Variants in GPR149 observed in about 807,000 individuals in gnomAD.
The protein encoded by GPR149 is probable G protein-coupled receptor 149.
Under a neutral mutation model 50.2 loss-of-function variants are expected in GPR149, and 50 were observed. That is an observed-to-expected ratio of 1.00 (90% CI 0.79 to 1.26). The LOEUF is 1.26. GPR149 is among the 50% of genes most tolerant of loss of function. The probability of loss-of-function intolerance (pLI) is 0.00; values close to 1 mark genes in which losing one functional copy is unlikely to be tolerated. For synonymous variants in GPR149, 405 were observed against 358.2 expected (o/e 1.13, Z -1.48); for missense variants, 983 against 895.4 (o/e 1.10, Z -1.25).
At chr3:154,405,019 G>A (rs570016166) in intron 3 of GPR149, among the ~76,000 whole-genome samples, 8 of 152,142 alleles carry the variant, frequency 5.3e-5, no homozygotes, top group Non-Finnish European at 8.8e-5. Context: ...ATTCAACAAT[G>A]TTTTAGGAGT....
chr3:154,370,683 T>C (rs919173541), intron 3 of GPR149, among the ~76,000 whole-genome samples: 7 of 152,082 alleles, frequency 4.6e-5, no homozygotes, highest in Admixed American at 4.6e-4. Flanking sequence ...TAAGGTTGAC[T>C]GTTGAGGTCC....
chr3:154,410,158 G>GT (rs1452554992), intron 3 of GPR149, among the ~76,000 whole-genome samples: 1 of 151,978 alleles, frequency 6.6e-6, no homozygotes, highest in African/African-American at 2.4e-5. Flanking sequence ...GAAAGACACA[G>GT]TTTTTTTCAG....
At chr3:154,418,914 AAGACCAC>A (rs1712061218) in intron 3 of GPR149, among the ~76,000 whole-genome samples, 1 of 152,068 alleles carries the variant, frequency 6.6e-6, no homozygotes, top group African/African-American at 2.4e-5. Context: ...GCTAACCTTA[AAGACCAC>A]AGGTACTTTT....
intron 3 of GPR149, among the ~76,000 whole-genome samples, chr3:154,391,602 CATTA>C (rs2108412753): frequency 6.6e-6 from 1 of 151,496 alleles, no homozygotes; most frequent in African/African-American, 2.4e-5. Context: ...AAAGGAAGTA[CATTA>C]ATTACTCTAA....
intron 3 of GPR149, among the ~76,000 whole-genome samples, chr3:154,374,585 G>A (rs1018207868): frequency 6.6e-6 from 1 of 151,990 alleles, no homozygotes; most frequent in Non-Finnish European, 1.5e-5. Context: ...TCAAACTAGG[G>A]TTAGTCAAAA....
chr3:154,344,918 T>G (rs1713887035), intron 3 of GPR149, among the ~76,000 whole-genome samples: 1 of 152,252 alleles, frequency 6.6e-6, no homozygotes, highest in Non-Finnish European at 1.5e-5. Flanking sequence ...AATTCAATTT[T>G]GTATGCAAAC....
intron 3 of GPR149, among the ~76,000 whole-genome samples, chr3:154,408,295 A>AGG (rs1262510955): frequency 3.3e-5 from 5 of 152,210 alleles, no homozygotes; most frequent in African/African-American, 7.2e-5. Context: ...GAACTACTGC[A>AGG]GGAACATACC....
intron 3 of GPR149, among the ~76,000 whole-genome samples, chr3:154,419,795 C>T (rs567626488): frequency 1.3e-5 from 2 of 152,022 alleles, no homozygotes; most frequent in South Asian, 2.1e-4. Flanking sequence ...AGCAAATTGG[C>T]GATGAAAGTG....
At chr3:154,406,267 A>G (rs1341363390) in intron 3 of GPR149, among the ~76,000 whole-genome samples, 1 of 152,204 alleles carries the variant, frequency 6.6e-6, no homozygotes, top group Non-Finnish European at 1.5e-5. Flanking sequence ...GTGATAATAT[A>G]CACTGTTACT....
chr3:154,382,909 G>T (rs1714962575), intron 3 of GPR149, among the ~76,000 whole-genome samples: 1 of 152,196 alleles, frequency 6.6e-6, no homozygotes, highest in African/African-American at 2.4e-5. Flanking sequence ...TCAGGGAACT[G>T]ATTTTTGATG....
intron 3 of GPR149, among the ~76,000 whole-genome samples, chr3:154,383,973 C>T (rs1714994529): frequency 6.6e-6 from 1 of 152,068 alleles, no homozygotes; most frequent in Admixed American, 6.6e-5. Context: ...GACTTTCCAG[C>T]CTCCAGAACT....
At chr3:154,367,088 G>C (rs574064562) in intron 3 of GPR149, among the ~76,000 whole-genome samples, 2 of 152,120 alleles carry the variant, frequency 1.3e-5, no homozygotes, top group South Asian at 4.2e-4. Flanking sequence ...GTCTGGTGGA[G>C]ACTACACGCT....
intron 3 of GPR149, among the ~76,000 whole-genome samples, chr3:154,416,679 T>C (rs932456934): frequency 2.0e-5 from 3 of 151,892 alleles, no homozygotes; most frequent in African/African-American, 7.2e-5. Context: ...GAAAATAAAA[T>C]TTCCTCGATT....
At position 154,429,282 on chromosome 3, in the gene GPR149, A is replaced by C. The variant is rs543853324; in HGVS notation, c.334T>G (p.Tyr112Asp). Residue 112 changes from tyrosine to aspartate, a missense_variant, in exon 1 of 4, where the codon TAT becomes GAT. Transcript: ENST00000389740. ...QFLCTTSALM[Y>D]LCQGLSSNLK... ...TTGCTAGAGAGGCCCTGGCATAAATACATTAAGGCAGAGGTGGTGCACAGA... is the reference window on the plus strand; with the variant it reads ...TTGCTAGAGAGGCCCTGGCATAAATCCATTAAGGCAGAGGTGGTGCACAGA... 12 of 1,614,198 alleles carry C rather than the reference A, an allele frequency of 7.4e-6. No individual in the cohort carries two copies. The East Asian group carries it at 2.5e-4, about 33-fold the overall frequency.
chr3:154,376,973 T>A (rs72998688), intron 3 of GPR149, among the ~76,000 whole-genome samples: 3,509 of 149,756 alleles, frequency 0.023, 120 homozygotes, highest in African/African-American at 0.082. Flanking sequence ...ATAAAACAAA[T>A]GTGTAAAGTA....
At chr3:154,359,563 G>A (rs370099484) in intron 3 of GPR149, among the ~76,000 whole-genome samples, 8 of 152,258 alleles carry the variant, frequency 5.3e-5, no homozygotes, top group South Asian at 4.1e-4. Context: ...CACAGAGGTC[G>A]TGGTTATTCA....
chr3:154,428,770 G>C lies in GPR149; in HGVS notation c.846C>G (p.Ala282=), dbSNP rs771407063. Residue 282 remains alanine, a synonymous_variant, in exon 1 of 4, where the codon GCC becomes GCG. Transcript: ENST00000389740. ...CACGCCTGCAGGCTTCAGCCCCAGC[G>C]GCAGCGGGCGCACCCGGTCCGAACA... is the stretch of plus-strand genomic sequence containing the variant. ...DTVFGPGAPA[A]AGAEACRREN... 2 of 1,613,764 alleles carry C rather than the reference G, an allele frequency of 1.2e-6. No individual in the cohort carries two copies.
chr3:154,395,647 T>G lies in GPR149; in HGVS notation c.1623+25392A>C, dbSNP rs1715273260. The stretch of plus-strand genomic sequence containing the variant: ...CTACGAAAATAAACTAAACTAAACT[T>G]TAGCCAGGCATGGTGGTGTGTGCCT... On this transcript the variant is annotated intron_variant, in intron 3 of 3. Coordinates refer to ENST00000389740, the MANE Select transcript of GPR149 (RefSeq NM_001038705.3). Among the ~76,000 whole-genome samples, 3 of 151,988 alleles carry G rather than the reference T, an allele frequency of 2.0e-5. No homozygotes were observed. The South Asian group carries it at 6.2e-4, about 32-fold the overall frequency.
intron 3 of GPR149, among the ~76,000 whole-genome samples, chr3:154,410,650 A>G (rs528453050): frequency 6.6e-6 from 1 of 152,302 alleles, no homozygotes; most frequent in South Asian, 2.1e-4. Flanking sequence ...TCACAATTCT[A>G]AATATACATG....
Sources: allele counts gnomAD v4.1 joint callset (sites outside exome capture counted in the v4.1 genomes callset), GRCh38; gene constraint gnomAD v4.1.1; transcripts MANE v1.5; gene names NCBI Gene and HGNC (gene_info 2026-07-23, HGNC 2026-07-21).